Variants in RGL1 observed in about 807,000 individuals in gnomAD.
The protein encoded by RGL1 is ral guanine nucleotide dissociation stimulator-like 1.
A neutral mutation model predicts 95.2 loss-of-function variants in RGL1; 24 were observed. That is an observed-to-expected ratio of 0.25 (90% CI 0.18 to 0.35). The LOEUF is 0.35. Ranked by LOEUF, RGL1 falls within the 10% of genes least tolerant of loss-of-function variation. RGL1 has a pLI of 1.00. For missense variants in RGL1, 715 were observed against 936.3 expected (o/e 0.76, Z 3.08); for synonymous variants, 329 against 344.9 (o/e 0.95, Z 0.51).
chr1:183,636,892 T>C (rs1373188098), intron 1 of RGL1, among the ~76,000 whole-genome samples: 1 of 152,170 alleles, frequency 6.6e-6, no homozygotes, highest in East Asian at 1.9e-4. Flanking sequence ...TAAAATTAAT[T>C]TGGACATTTG....
chr1:183,849,298 T>C (rs1323110000), intron 3 of RGL1, among the ~76,000 whole-genome samples: 1 of 151,858 alleles, frequency 6.6e-6, no homozygotes, highest in Non-Finnish European at 1.5e-5. Context: ...TTTTTACTCA[T>C]TAAGTGAATT....
chr1:183,652,459 C>A (rs1015666679), intron 1 of RGL1, among the ~76,000 whole-genome samples: 3 of 152,192 alleles, frequency 2.0e-5, no homozygotes, highest in Non-Finnish European at 4.4e-5. Flanking sequence ...TGGGCTTGTT[C>A]TTTGATCACC....
intron 2 of RGL1, among the ~76,000 whole-genome samples, chr1:183,783,235 CAA>C (rs1353940435): frequency 1.3e-5 from 2 of 151,514 alleles, no homozygotes; most frequent in African/African-American, 2.4e-5. Flanking sequence ...ATGAATTCAA[CAA>C]GAGAGAGAGG....
intron 2 of RGL1, among the ~76,000 whole-genome samples, chr1:183,756,685 T>C (rs12130615): frequency 0.15 from 23,497 of 152,174 alleles, 2,436 homozygotes; most frequent in East Asian, 0.4. Context: ...GGGGTTGTTC[T>C]TTTTTTCATG....
Position 183,847,712 on chromosome 1 carries a change from C to T in RGL1, c.285C>T (p.Ile95=). The part of the protein sequence containing the change: ...FGDNDFTYIS[I]FLSTYRGFAS... Reference sequence around the variant, plus strand: ...ACAATGACTTTACCTATATCAGCATCTTTCTTTCAACGTACAGAGGCTTTG... The same window carrying T: ...ACAATGACTTTACCTATATCAGCATTTTTCTTTCAACGTACAGAGGCTTTG... The change falls in exon 3 of 18, where the codon ATC becomes ATT. Residue 95 remains isoleucine, a synonymous_variant. Transcript: ENST00000360851. 1 of 1,614,100 alleles carries T rather than the reference C, an allele frequency of 6.2e-7. No homozygotes were observed. The highest frequency in any genetic ancestry group is 8.5e-7 in the Non-Finnish European group (1 of 1,179,970).
At chr1:183,707,087 C>T (rs1654961147) in intron 1 of RGL1, among the ~76,000 whole-genome samples, 1 of 152,154 alleles carries the variant, frequency 6.6e-6, no homozygotes, top group African/African-American at 2.4e-5. Context: ...TAAGGAGACA[C>T]ACAATCATGT....
At chr1:183,903,957 A>G (rs891672263) in intron 12 of RGL1, among the ~76,000 whole-genome samples, 1 of 152,192 alleles carries the variant, frequency 6.6e-6, no homozygotes, top group Non-Finnish European at 1.5e-5. Flanking sequence ...GCAAGTTGAG[A>G]CTTGGAGAAT....
intron 1 of RGL1, among the ~76,000 whole-genome samples, chr1:183,660,781 A>G (rs1483326606): frequency 6.6e-6 from 1 of 152,208 alleles, no homozygotes; most frequent in Non-Finnish European, 1.5e-5. Flanking sequence ...CACCACACCT[A>G]TTCCAAAATT....
At chr1:183,879,843 G>A (rs1490970389) in intron 4 of RGL1, among the ~76,000 whole-genome samples, 1 of 152,194 alleles carries the variant, frequency 6.6e-6, no homozygotes, top group African/African-American at 2.4e-5. Context: ...AACATGCTGT[G>A]TTATTACTAA....
At chr1:183,829,860 C>T (rs1463996619) in intron 2 of RGL1, among the ~76,000 whole-genome samples, 1 of 151,962 alleles carries the variant, frequency 6.6e-6, no homozygotes, top group African/African-American at 2.4e-5. Flanking sequence ...CATGTTTCCT[C>T]GTGAAATTTA....
chr1:183,801,319 CG>C (rs1660980473), upstream of RGL1, among the ~76,000 whole-genome samples: 1 of 151,958 alleles, frequency 6.6e-6, no homozygotes, highest in African/African-American at 2.4e-5. Context: ...AATATCTATT[CG>C]GGTGTTTTGC....
intron 1 of RGL1, among the ~76,000 whole-genome samples, chr1:183,640,672 G>A (rs867756110): frequency 1.1e-4 from 16 of 152,166 alleles, no homozygotes; most frequent in Middle Eastern, 3.4e-3. Flanking sequence ...TAGCACTGGT[G>A]TCTTTTATTA....
chr1:183,872,068 A>T (rs1038084672), intron 4 of RGL1, among the ~76,000 whole-genome samples: 1 of 152,230 alleles, frequency 6.6e-6, no homozygotes, highest in African/African-American at 2.4e-5. Flanking sequence ...TGACAGAAGA[A>T]AACATTTCTG....
At chr1:183,912,330 A>C (rs1668696604) in intron 15 of RGL1, 62 bp downstream of exon 15, 2 of 1,339,364 alleles carry the variant, frequency 1.5e-6, no homozygotes, top group Non-Finnish European at 2.1e-6. Flanking sequence ...TTGCCACACC[A>C]CAGCAAGGAA....
intron 1 of RGL1, among the ~76,000 whole-genome samples, chr1:183,723,049 TG>T (rs35918894): frequency 2.6e-5 from 4 of 151,976 alleles, no homozygotes; most frequent in Non-Finnish European, 5.9e-5. Flanking sequence ...CAAAGGGCAT[TG>T]GGGGGGAAAT....
At chr1:183,913,182 C>CTTTTTTTTTTT (rs537751695) in intron 15 of RGL1, among the ~76,000 whole-genome samples, 1 of 68,274 alleles carries the variant, frequency 1.5e-5, no homozygotes, top group Non-Finnish European at 2.6e-5. Context: ...GACCAGTCTT[C>CTTTTTTTTTTT]TTTTTTTTTT....
chr1:183,776,657 A>G (rs1042981163), intron 2 of RGL1, among the ~76,000 whole-genome samples: 3 of 152,216 alleles, frequency 2.0e-5, no homozygotes, highest in African/African-American at 7.2e-5. Flanking sequence ...ATGGACAAGA[A>G]AAAGCACATA....
chr1:183,708,880 G>T (rs1054074583), intron 1 of RGL1, among the ~76,000 whole-genome samples: 11 of 152,186 alleles, frequency 7.2e-5, no homozygotes, highest in Non-Finnish European at 1.6e-4. Flanking sequence ...ACGCGGACCG[G>T]GGCCCCTTCC....
intron 4 of RGL1, among the ~76,000 whole-genome samples, chr1:183,867,830 G>C (rs1462665801): frequency 1.3e-5 from 2 of 152,158 alleles, no homozygotes; most frequent in South Asian, 4.1e-4. Flanking sequence ...GAATCCTGTG[G>C]AATTTTTAAC....
Sources: allele counts gnomAD v4.1 joint callset (sites outside exome capture counted in the v4.1 genomes callset), GRCh38; gene constraint gnomAD v4.1.1; transcripts MANE v1.5; gene names NCBI Gene and HGNC (gene_info 2026-07-23, HGNC 2026-07-21).